The following PEPD variants were observed in gnomAD, a reference collection of about 807,000 sequenced individuals.
PEPD encodes peptidase D, also known as xaa-Pro dipeptidase.
PEPD carries 53 observed loss-of-function variants against 60.7 expected under a neutral mutation model. The observed-to-expected ratio is 0.87, with a 90% CI of 0.70 to 1.10. The LOEUF (loss-of-function observed/expected upper bound fraction) is 1.10, where lower values mean the gene tolerates loss of function less well. Among genes scored for constraint, PEPD ranks in the 50% least tolerant of loss-of-function variants. The pLI, the probability that PEPD is intolerant of heterozygous loss-of-function variation, is 0.00. For synonymous variants in PEPD, 267 were observed against 284.1 expected (o/e 0.94, Z 0.60); for missense variants, 711 against 711.9 (o/e 1.00, Z 0.01).
chr19:33,493,374 C>T lies in PEPD; in HGVS notation c.394-37G>A, dbSNP rs533890495. ...GAAAGAAAAACCCACTTTAGAGGCA[C>T]CACTAAGCCTAATGAAGATGACATG... is the stretch of plus-strand genomic sequence containing the variant. On this transcript the variant is annotated intron_variant, in intron 4 of 14. Transcript: ENST00000244137. The T allele has an allele frequency of 2.8e-5, 41 of 1,447,178 alleles. 1 individual carries two copies. The South Asian group carries it at 4.7e-4, about 17-fold the overall frequency. The allele number at this position is 1,447,178 out of a possible 1,614,324, so 89.6% of individuals were successfully genotyped here. A position where few individuals can be genotyped will look rare whatever the true frequency, so the allele number is the denominator to read the frequency against.
chr19:33,429,362 G>A (rs373510828), intron 9 of PEPD, among the ~76,000 whole-genome samples: 126 of 152,274 alleles, frequency 8.3e-4, no homozygotes, highest in African/African-American at 3.0e-3. Flanking sequence ...ATTTTACAAT[G>A]GGGGGCAAAG....
At chr19:33,399,278 G>A (rs892842646) in intron 12 of PEPD, among the ~76,000 whole-genome samples, 3 of 152,186 alleles carry the variant, frequency 2.0e-5, no homozygotes, top group Admixed American at 6.5e-5. Context: ...CACAGAGCCC[G>A]GCCTGCTGCT....
At chr19:33,404,237 TA>T (rs1256969355) in intron 11 of PEPD, among the ~76,000 whole-genome samples, 1 of 152,228 alleles carries the variant, frequency 6.6e-6, no homozygotes, top group Non-Finnish European at 1.5e-5. Flanking sequence ...CATTTTCATT[TA>T]GGTTCCCCAG....
intron 9 of PEPD, among the ~76,000 whole-genome samples, chr19:33,445,353 C>T (rs990652617): frequency 2.0e-5 from 3 of 152,242 alleles, no homozygotes; most frequent in African/African-American, 4.8e-5. Context: ...CAAATTTATA[C>T]ATCAAAGCCC....
At chr19:33,520,233 C>T (rs148837595) in intron 1 of PEPD, among the ~76,000 whole-genome samples, 206 of 152,254 alleles carry the variant, frequency 1.4e-3, no homozygotes, top group African/African-American at 4.7e-3. Context: ...CTGTGAGCAC[C>T]GAGCCAGCCT....
At chr19:33,510,554 G>T (rs1359703617) in intron 3 of PEPD, among the ~76,000 whole-genome samples, 1 of 152,210 alleles carries the variant, frequency 6.6e-6, no homozygotes, top group Non-Finnish European at 1.5e-5. Context: ...AATGCAGGGA[G>T]CCATGGATGT....
chr19:33,478,104 AG>A lies in PEPD; in HGVS notation c.504-15del. ...TTGACTTCGAACCTGTAGGGCGAAA[AG>A]AAATCAAGCCCATTAATCCAACGGT... On this transcript the variant is annotated splice_polypyrimidine_tract_variant and intron_variant, in intron 6 of 14. Transcript: ENST00000244137. 6.3e-7 allele frequency: 1 copy of A among 1,598,800 alleles called. No homozygotes were observed. Among genetic ancestry groups the A allele is most frequent in the Non-Finnish European group, 8.6e-7 (1 of 1,168,128 alleles).
intron 3 of PEPD, among the ~76,000 whole-genome samples, chr19:33,510,143 A>G (rs1266614034): frequency 6.6e-6 from 1 of 152,250 alleles, no homozygotes; most frequent in Non-Finnish European, 1.5e-5. Flanking sequence ...CGGAGAAGCT[A>G]GAATTTCAGG....
At chr19:33,434,288 C>G (rs1001856879) in intron 9 of PEPD, among the ~76,000 whole-genome samples, 1 of 152,184 alleles carries the variant, frequency 6.6e-6, no homozygotes, top group African/African-American at 2.4e-5. Context: ...ACTCCTCCCC[C>G]ACCTCATGTG....
intron 3 of PEPD, among the ~76,000 whole-genome samples, chr19:33,506,121 TAC>T (rs1600170900): frequency 9.3e-6 from 1 of 107,114 alleles, no homozygotes; most frequent in Non-Finnish European, 1.8e-5. Flanking sequence ...CATTACACCC[TAC>T]ACACACATCC....
chr19:33,500,794 G>A (rs183944997), intron 4 of PEPD, 144 bp downstream of exon 4: 10 of 750,122 alleles, frequency 1.3e-5, no homozygotes, highest in Non-Finnish European at 2.4e-5. Context: ...TTCCAAATGG[G>A]AGCACCTGCG....
chr19:33,437,354 T>C (rs1270709223), intron 9 of PEPD, among the ~76,000 whole-genome samples: 1 of 151,894 alleles, frequency 6.6e-6, no homozygotes, highest in East Asian at 1.9e-4. Flanking sequence ...TGTCCCCAAG[T>C]ATTTGGCAGG....
At chr19:33,388,533 G>T in intron 13 of PEPD, 1 of 286,408 alleles carries the variant, frequency 3.5e-6, no homozygotes, top group South Asian at 3.8e-5. Flanking sequence ...AGTAGAAACT[G>T]GCCCCAGAAG....
At chr19:33,495,303 C>T (rs1247723090) in intron 4 of PEPD, among the ~76,000 whole-genome samples, 2 of 151,298 alleles carry the variant, frequency 1.3e-5, no homozygotes, top group Non-Finnish European at 1.5e-5. Flanking sequence ...GTCAGGAGTT[C>T]GAGACCAGCC....
At chr19:33,460,220 A>G (rs2241380) in intron 9 of PEPD, among the ~76,000 whole-genome samples, 63,392 of 152,014 alleles carry the variant, frequency 0.42, 13,991 homozygotes, top group African/African-American at 0.57. Context: ...ACCCACATAC[A>G]TTTCCCGACA....
chr19:33,431,879 G>T (rs899559544), intron 9 of PEPD, among the ~76,000 whole-genome samples: 1 of 151,702 alleles, frequency 6.6e-6, no homozygotes, highest in Admixed American at 6.6e-5. Flanking sequence ...TGTAATTCCA[G>T]CTTCTCGGGA....
intron 12 of PEPD, among the ~76,000 whole-genome samples, chr19:33,393,163 C>T (rs1036818100): frequency 9.9e-5 from 15 of 151,244 alleles, no homozygotes; most frequent in African/African-American, 1.5e-4. Context: ...GCGGCCGTCC[C>T]GGGGTCTGGG....
rs143400377 is a variant in PEPD, at chr19:33,414,776, C to T, written c.672-1133G>A. Among the ~76,000 whole-genome samples the T allele has an allele frequency of 3.9e-4, 59 of 152,360 alleles. No individual in the cohort carries two copies. In the East Asian group the frequency reaches 9.7e-3, roughly 25 times the overall value. ...ATATTAAGCAGTTGTTATGCAGGAA[C>T]GGCTGTGGTAGATTCAATGGGCTTT... On this transcript the variant is annotated intron_variant, in intron 9 of 14. Transcript: ENST00000244137.
At position 33,464,024 on chromosome 19, in the gene PEPD, C is replaced by A. The variant is rs374162516; in HGVS notation, c.587G>T (p.Arg196Leu). 2 of 1,613,332 alleles carry A rather than the reference C, an allele frequency of 1.2e-6. No individual in the cohort carries two copies. Among genetic ancestry groups the A allele is most frequent in the African/African-American group, 1.3e-5 (1 of 75,050 alleles). ...CTCGCTGGAGATTTTATTGGTATAG[C>A]GCAGAACCTCCAGCTCCATATCCGT... ...FKTDMELEVL[R>L]YTNKISSEAH... Residue 196 changes from arginine (R) to leucine (L), a missense_variant, in exon 8 of 15, where the codon CGC becomes CTC. Coordinates refer to ENST00000244137, the MANE Select transcript of PEPD (RefSeq NM_000285.4).
Sources: allele counts gnomAD v4.1 joint callset (sites outside exome capture counted in the v4.1 genomes callset), GRCh38; gene constraint gnomAD v4.1.1; transcripts MANE v1.5; gene names NCBI Gene and HGNC (gene_info 2026-07-23, HGNC 2026-07-21).